Variants in ZFYVE28 observed in about 807,000 individuals in gnomAD.
The protein encoded by ZFYVE28 is zinc finger FYVE-type containing 28, also known as lateral signaling target protein 2 homolog.
A neutral mutation model predicts 82.1 loss-of-function variants in ZFYVE28; 40 were observed. The observed-to-expected ratio is 0.49, with a 90% CI of 0.38 to 0.63. The LOEUF (loss-of-function observed/expected upper bound fraction) is 0.63. ZFYVE28 is among the 30% of genes least tolerant of loss of function. The pLI, the probability that ZFYVE28 is intolerant of heterozygous loss-of-function variation, is 0.00. For synonymous variants in ZFYVE28, 612 were observed against 546.1 expected (o/e 1.12, Z -1.68); for missense variants, 1,321 against 1,242.1 (o/e 1.06, Z -0.96).
intron 7 of ZFYVE28, among the ~76,000 whole-genome samples, chr4:2,308,690 A>AG (rs1265124124): frequency 3.3e-4 from 46 of 138,246 alleles, no homozygotes; most frequent in African/African-American, 1.1e-3. Flanking sequence ...AAAGAAAGAA[A>AG]AGAAAAGAAA....
In ZFYVE28 at chr4:2,335,214, C is replaced by T. The variant is rs1283097160; in HGVS notation, c.701+491G>A. On this transcript the variant is annotated intron_variant, in intron 6 of 12. Coordinates refer to ENST00000290974, the MANE Select transcript of ZFYVE28 (RefSeq NM_020972.3). The surrounding 1 kb of genome is among the most constrained non-coding windows in gnomAD (Gnocchi z 5.8). The stretch of plus-strand genomic sequence containing the variant: ...CCATCAGCCAGACCAACTGCCCCCA[C>T]CTGCCCTTCAACCCAATGTGCTTCA... Among the ~76,000 whole-genome samples the T allele has an allele frequency of 6.6e-6, 1 of 152,024 alleles. No individual in the cohort carries two copies. The highest frequency in any genetic ancestry group is 1.5e-5 in the Non-Finnish European group (1 of 68,008).
At chr4:2,276,319 C>T (rs1306715414) in intron 8 of ZFYVE28, among the ~76,000 whole-genome samples, 1 of 152,236 alleles carries the variant, frequency 6.6e-6, no homozygotes, top group Non-Finnish European at 1.5e-5. Context: ...CCGTGGCTCT[C>T]CCCTCCCAGG....
At chr4:2,289,462 C>T (rs1162112940) in intron 8 of ZFYVE28, among the ~76,000 whole-genome samples, 1 of 152,148 alleles carries the variant, frequency 6.6e-6, no homozygotes, top group African/African-American at 2.4e-5. Flanking sequence ...TGGTATGTGA[C>T]AAAGGCTGAG....
chr4:2,354,004 G>T lies in ZFYVE28; in HGVS notation c.109C>A (p.Leu37Met). The change falls in exon 2 of 13, where the codon CTG becomes ATG. Residue 37 changes from leucine (L) to methionine (M), a missense_variant. Physicochemically the swap from Leu to Met is conservative, Grantham distance 15. Transcript: ENST00000290974. ...DEELNQVAAE[L>M]DSLDGRKDPQ... is the part of the protein sequence containing the mutation. ...TCCTTCCGCCCATCCAGGCTGTCCA[G>T]CTCCGCGGCCACCTGGTTCAGCTCC... 6.3e-7 allele frequency: 1 copy of T among 1,587,378 alleles called. No individual in the cohort carries two copies. The highest frequency in any genetic ancestry group is 8.6e-7 in the Non-Finnish European group (1 of 1,167,232).
chr4:2,391,455 C>CTTTTTTTTTT (rs140103966), intron 1 of ZFYVE28, among the ~76,000 whole-genome samples: 3 of 117,222 alleles, frequency 2.6e-5, no homozygotes, highest in Non-Finnish European at 3.4e-5. Flanking sequence ...GGTCAATTAT[C>CTTTTTTTTTT]TTTTTTTTTT....
At chr4:2,358,565 C>G (rs927856128) in intron 1 of ZFYVE28, among the ~76,000 whole-genome samples, 2 of 152,198 alleles carry the variant, frequency 1.3e-5, no homozygotes, top group African/African-American at 4.8e-5. Flanking sequence ...CTGCCTTCCT[C>G]TTGGGGCAGC....
In ZFYVE28 at chr4:2,356,545, C is replaced by T. The variant is rs1010422208; in HGVS notation, c.40-2472G>A. Among the ~76,000 whole-genome samples the T allele has an allele frequency of 2.0e-5, 3 of 152,320 alleles. 1 individual carries two copies. Among genetic ancestry groups the T allele is most frequent in the Middle Eastern group, 6.8e-3 (2 of 294 alleles). ...CCATCTGCTCCCACCCTCTCAGCAC[C>T]ACTGCTGTGTCCCTGCACTTTGTGC... On this transcript the variant is annotated intron_variant, in intron 1 of 12. Coordinates refer to ENST00000290974, the MANE Select transcript of ZFYVE28 (RefSeq NM_020972.3).
chr4:2,288,024 C>T (rs150607823), intron 8 of ZFYVE28, among the ~76,000 whole-genome samples: 91 of 152,322 alleles, frequency 6.0e-4, no homozygotes, highest in African/African-American at 2.1e-3. Flanking sequence ...TCCACCCCCA[C>T]TCCTGTCTGG....
intron 10 of ZFYVE28, among the ~76,000 whole-genome samples, chr4:2,272,025 CAG>C (rs1454861652): frequency 6.6e-6 from 1 of 152,240 alleles, no homozygotes; most frequent in Admixed American, 6.5e-5. Context: ...CTCCCCCTGA[CAG>C]GGGCATCCAG....
intron 2 of ZFYVE28, among the ~76,000 whole-genome samples, chr4:2,346,411 A>G (rs1174550075): frequency 6.6e-6 from 1 of 152,024 alleles, no homozygotes; most frequent in African/African-American, 2.4e-5. Context: ...CCAGATGGAA[A>G]TAGAGATCTA....
At chr4:2,366,322 GCTGCAC>G (rs1726882386) in intron 1 of ZFYVE28, among the ~76,000 whole-genome samples, 1 of 152,218 alleles carries the variant, frequency 6.6e-6, no homozygotes, top group African/African-American at 2.4e-5. Context: ...CTTATGCAAA[GCTGCAC>G]GTGGGCCTCC....
chr4:2,376,912 C>T (rs950206056), intron 1 of ZFYVE28, among the ~76,000 whole-genome samples: 1 of 151,894 alleles, frequency 6.6e-6, no homozygotes, highest in African/African-American at 2.4e-5. Flanking sequence ...GGCAACAGAG[C>T]GAGACCCTGT....
At chr4:2,281,382 T>C (rs1711949350) in intron 8 of ZFYVE28, among the ~76,000 whole-genome samples, 1 of 151,916 alleles carries the variant, frequency 6.6e-6, no homozygotes, top group African/African-American at 2.4e-5. Context: ...TACCACAGTC[T>C]AGGTAATTTA....
At chr4:2,400,311 T>C (rs950910865) in intron 1 of ZFYVE28, among the ~76,000 whole-genome samples, 2 of 152,230 alleles carry the variant, frequency 1.3e-5, no homozygotes, top group Non-Finnish European at 2.9e-5. Flanking sequence ...AGTTACTGTG[T>C]CATGACACGC....
At chr4:2,352,361 C>T (rs1032204831) in intron 2 of ZFYVE28, among the ~76,000 whole-genome samples, 3 of 150,104 alleles carry the variant, frequency 2.0e-5, no homozygotes, top group African/African-American at 7.4e-5. Context: ...AAGGACTGGG[C>T]GTGGGACCCA....
intron 6 of ZFYVE28, among the ~76,000 whole-genome samples, chr4:2,325,881 C>G (rs966278010): frequency 6.6e-6 from 1 of 152,048 alleles, no homozygotes; most frequent in Non-Finnish European, 1.5e-5. Context: ...GTATGAGCCA[C>G]CATGCCCAGT....
intron 1 of ZFYVE28, among the ~76,000 whole-genome samples, chr4:2,358,667 G>C (rs1317639875): frequency 6.6e-6 from 1 of 152,172 alleles, no homozygotes; most frequent in Non-Finnish European, 1.5e-5. Flanking sequence ...GGGCCTGGTG[G>C]GGTTGGATGA....
rs141400000 is a variant in ZFYVE28, at chr4:2,304,944, C to T, written c.1396G>A (p.Glu466Lys). 16 of 1,612,596 alleles carry T rather than the reference C, an allele frequency of 9.9e-6. No individual in the cohort carries two copies. The African/African-American group carries it at 1.2e-4, about 12-fold the overall frequency. Residue 466 changes from glutamate (E) to lysine (K), a missense_variant, in exon 8 of 13, where the codon GAG becomes AAG. Physicochemically the swap from Glu to Lys is moderately conservative, Grantham distance 56. This residue lies in a region of ZFYVE28 where 978 missense variants were observed against 833.7 expected (regional missense o/e 1.17). Coordinates refer to ENST00000290974, the MANE Select transcript of ZFYVE28 (RefSeq NM_020972.3). The stretch of plus-strand genomic sequence containing the variant: ...GCGAGGCTGGCCCCATCTGTGCCCT[C>T]GGCCTCGAGATTGTTGTTGCTCAAG... Reference protein sequence around the residue: ...EDLSNNNLEAEGTDGASLAGT... With the variant: ...EDLSNNNLEAKGTDGASLAGT...
rs772558508 is a variant in ZFYVE28 at position 2,339,554 on chromosome 4, G to A, written c.420C>T (p.Gly140=). 15 of 1,613,058 alleles carry A rather than the reference G, an allele frequency of 9.3e-6. No individual in the cohort carries two copies. In the East Asian group the frequency reaches 2.2e-4, roughly 24 times the overall value. Residue 140 remains glycine (G), a synonymous_variant, in exon 4 of 13, where the codon GGC becomes GGT. Coordinates refer to ENST00000290974, the MANE Select transcript of ZFYVE28 (RefSeq NM_020972.3). This position sits in a 1 kb window ranked among gnomAD's most constrained non-coding sequence, Gnocchi z 5.0. ...ELTRSLEDVR[G]ALRDQALRDL... is the part of the protein sequence containing the mutation. ...CCCGCAGCGCCTGGTCACGGAGGGCGCCCCGCACGTCCTCCAGGCTGCGCG... is the reference window on the plus strand; with the variant it reads ...CCCGCAGCGCCTGGTCACGGAGGGCACCCCGCACGTCCTCCAGGCTGCGCG...
Sources: gnomAD v4.1 joint callset for allele counts (sites outside exome capture counted in the v4.1 genomes callset) on GRCh38, gnomAD v4.1.1 for gene constraint, gnomAD v4.1.1 regional missense constraint, Gnocchi (gnomAD v3.1) non-coding constraint, MANE v1.5 for transcripts, NCBI Gene and HGNC (gene_info 2026-07-23, HGNC 2026-07-21) for gene names.